Variants in NLK observed in about 807,000 individuals in gnomAD.
NLK encodes nemo like kinase, also known as serine/threonine-protein kinase NLK.
Under a neutral mutation model 59.0 loss-of-function variants are expected in NLK, and 11 were observed. The observed-to-expected ratio is 0.19, with a 90% confidence interval of 0.12 to 0.31. The LOEUF (loss-of-function observed/expected upper bound fraction) is 0.31. Among genes scored for constraint, NLK ranks in the 10% least tolerant of loss-of-function variants. The pLI is 1.00. For missense variants in NLK, 410 were observed against 661.1 expected (o/e 0.62, Z 4.16); for synonymous variants, 235 against 235.9 (o/e 1.00, Z 0.03).
At chr17:28,069,627 G>T (rs570380962) in intron 1 of NLK, among the ~76,000 whole-genome samples, 1 of 152,102 alleles carries the variant, frequency 6.6e-6, no homozygotes, top group Non-Finnish European at 1.5e-5. Flanking sequence ...TACCATGATG[G>T]CTAATGATGT....
intron 1 of NLK, among the ~76,000 whole-genome samples, chr17:28,107,346 A>T (rs1265580221): frequency 6.6e-6 from 1 of 152,086 alleles, no homozygotes; most frequent in Non-Finnish European, 1.5e-5. Flanking sequence ...GAGGCAGGAG[A>T]ATCGCTTGAA....
chr17:28,111,886 GTGTGTGTGTGGT>G (rs1472497179), intron 1 of NLK, among the ~76,000 whole-genome samples: 33 of 127,628 alleles, frequency 2.6e-4, no homozygotes, highest in African/African-American at 6.9e-4. Flanking sequence ...GTGTGTGTGT[GTGTGTGTGTGGT>G]GTGTGTGTGT....
At position 28,163,464 on chromosome 17, in the gene NLK, T is replaced by C; in HGVS notation, c.752-79T>C. The C allele has an allele frequency of 4.8e-6, 4 of 836,420 alleles. No homozygotes were observed. The East Asian group carries it at 8.1e-5, about 17-fold the overall frequency. 51.8% of individuals were successfully genotyped at this position (836,420 alleles called of 1,614,324 possible). On this transcript the variant is annotated intron_variant, in intron 4 of 10. Transcript: ENST00000407008. ...GAACAATTTTAAATCCTCTACTGTTTTCTTCCAAGGTTTTTTTTAAATTAT... is the reference window on the plus strand; with the variant it reads ...GAACAATTTTAAATCCTCTACTGTTCTCTTCCAAGGTTTTTTTTAAATTAT...
chr17:28,173,364 A>T (rs1908548876), intron 7 of NLK, among the ~76,000 whole-genome samples: 1 of 152,156 alleles, frequency 6.6e-6, no homozygotes, highest in Non-Finnish European at 1.5e-5. Context: ...GGACGTTTAG[A>T]TTATCTGATT....
At chr17:28,092,775 T>TTATTA (rs1478684631) in intron 1 of NLK, among the ~76,000 whole-genome samples, 1 of 148,900 alleles carries the variant, frequency 6.7e-6, no homozygotes, top group Non-Finnish European at 1.5e-5. Context: ...TTATTTTATT[T>TTATTA]TATTTTATTT....
At chr17:28,143,327 C>T (rs1423517370) in intron 3 of NLK, among the ~76,000 whole-genome samples, 1 of 152,078 alleles carries the variant, frequency 6.6e-6, no homozygotes, top group Non-Finnish European at 1.5e-5. Flanking sequence ...CAGCCATGAG[C>T]CACCATGCCC....
chr17:28,131,875 T>C (rs1298415735), intron 2 of NLK, among the ~76,000 whole-genome samples: 1 of 152,188 alleles, frequency 6.6e-6, no homozygotes, highest in African/African-American at 2.4e-5. Context: ...CAAAAATGCT[T>C]AGTATGATTT....
chr17:28,146,382 T>TTGA (rs10633971), intron 3 of NLK, among the ~76,000 whole-genome samples: 124,095 of 150,510 alleles, frequency 0.82, 51,343 homozygotes, highest in East Asian at 0.99. Flanking sequence ...TATAACGATG[T>TTGA]TGATGATGAT....
chr17:28,147,866 G>A (rs766898591), intron 3 of NLK, among the ~76,000 whole-genome samples: 35 of 152,046 alleles, frequency 2.3e-4, no homozygotes, highest in Admixed American at 7.9e-4. Context: ...TGCTGACACT[G>A]GTTGCATTAT....
At chr17:28,193,960 C>T (rs1909398305) in intron 10 of NLK, among the ~76,000 whole-genome samples, 1 of 152,172 alleles carries the variant, frequency 6.6e-6, no homozygotes, top group South Asian at 2.1e-4. Flanking sequence ...TTACACTTTT[C>T]CCTCTCAAGT....
chr17:28,057,373 A>G (rs917228033), intron 1 of NLK, among the ~76,000 whole-genome samples: 1 of 152,182 alleles, frequency 6.6e-6, no homozygotes, highest in African/African-American at 2.4e-5. Flanking sequence ...GTTCCATGTA[A>G]TGAATTTTGT....
At chr17:28,044,889 A>G (rs1419206505) in intron 1 of NLK, among the ~76,000 whole-genome samples, 1 of 152,240 alleles carries the variant, frequency 6.6e-6, no homozygotes, top group South Asian at 2.1e-4. Context: ...GCTAAAAACT[A>G]GGGATACTGA....
At chr17:28,203,317 A>G in the NLK span, among the ~76,000 whole-genome samples, 1 of 151,742 alleles carries the variant, frequency 6.6e-6, no homozygotes, top group African/African-American at 2.4e-5. Flanking sequence ...ACAGCTCTCA[A>G]TCAGAGGGGG....
chr17:28,200,265 T>C (rs1199831512), downstream of NLK, among the ~76,000 whole-genome samples: 1 of 152,208 alleles, frequency 6.6e-6, no homozygotes, highest in Non-Finnish European at 1.5e-5. Context: ...TCTCCTACTT[T>C]TCTCTAAAAG....
chr17:28,191,000 T>C (rs773285218), intron 8 of NLK, 21 bp from the exon 9 acceptor site: 1 of 1,551,578 alleles, frequency 6.4e-7, no homozygotes, highest in South Asian at 1.2e-5. Context: ...GTTGATGTGC[T>C]GGTCTCTAAT....
intron 6 of NLK, 29 bp downstream of exon 6, chr17:28,168,686 C>G (rs1436133690): frequency 1.2e-5 from 19 of 1,541,470 alleles, no homozygotes; most frequent in East Asian, 2.2e-5. Flanking sequence ...GCTTTAGTTG[C>G]AATTCTATTG....
intron 1 of NLK, among the ~76,000 whole-genome samples, chr17:28,056,879 G>A (rs1336670403): frequency 6.7e-6 from 1 of 148,852 alleles, no homozygotes; most frequent in Non-Finnish European, 1.5e-5. Context: ...AGAATTGTAT[G>A]ATATATCCAG....
intron 6 of NLK, among the ~76,000 whole-genome samples, chr17:28,169,946 A>G (rs1908397664): frequency 6.6e-6 from 1 of 152,186 alleles, no homozygotes; most frequent in African/African-American, 2.4e-5. Context: ...ATGCAAATAA[A>G]TATGATTCCA....
At chr17:28,107,121 C>T (rs565078020) in intron 1 of NLK, among the ~76,000 whole-genome samples, 3 of 152,152 alleles carry the variant, frequency 2.0e-5, no homozygotes, top group African/African-American at 7.2e-5. Flanking sequence ...TTTTTCAGTA[C>T]GTAATATATA....
Sources: allele counts gnomAD v4.1 joint callset (sites outside exome capture counted in the v4.1 genomes callset), GRCh38; gene constraint gnomAD v4.1.1; transcripts MANE v1.5; gene names NCBI Gene and HGNC (gene_info 2026-07-23, HGNC 2026-07-21).